Variants in LMTK2 observed in about 807,000 individuals in gnomAD.
LMTK2 encodes lemur tail kinase 2.
A neutral mutation model predicts 127.5 loss-of-function variants in LMTK2; 37 were observed. The observed-to-expected ratio is 0.29, with a 90% CI of 0.22 to 0.38. The LOEUF (loss-of-function observed/expected upper bound fraction) is 0.38. LMTK2 is among the 10% of genes least tolerant of loss of function. The probability of loss-of-function intolerance (pLI) is 1.00; values close to 1 mark genes in which losing one functional copy is unlikely to be tolerated. For synonymous variants in LMTK2, 819 were observed against 810.1 expected, an observed-to-expected ratio of 1.01 and a Z score of -0.19; for missense variants, 1,694 against 1,920.3, an observed-to-expected ratio of 0.88 and a Z score of 2.20.
rs539591918 is a variant in LMTK2, at chr7:98,180,602, T to A, written c.792-4449T>A. Among the ~76,000 whole-genome samples the A allele has an allele frequency of 5.0e-3, 765 of 152,288 alleles. 2 individuals are homozygous for A. Among genetic ancestry groups the A allele is most frequent in the Non-Finnish European group, 8.7e-3 (589 of 68,026 alleles). On this transcript the variant is annotated intron_variant, in intron 7 of 13. Transcript: ENST00000297293. ...TGTGTCTTGAAATATGCTCTTTACC[T>A]CCCTTGTGGAGAAGTAGAGAGTTTG...
intron 7 of LMTK2, among the ~76,000 whole-genome samples, chr7:98,177,177 A>T (rs1302697717): frequency 1.3e-5 from 2 of 152,240 alleles, no homozygotes; most frequent in East Asian, 3.8e-4. Context: ...TAGAATTCAT[A>T]AAAGAATTTG....
chr7:98,108,856 CTTT>C (rs11345679), intron 1 of LMTK2, among the ~76,000 whole-genome samples: 7 of 100,776 alleles, frequency 6.9e-5, no homozygotes, highest in African/African-American at 1.4e-4. Context: ...TGCCTGCACA[CTTT>C]TTTTTTTTTT....
intron 1 of LMTK2, among the ~76,000 whole-genome samples, chr7:98,122,984 C>T (rs961418742): frequency 6.6e-6 from 1 of 151,748 alleles, no homozygotes. Flanking sequence ...TTTCCTTCCC[C>T]CTTGATCTAT....
At chr7:98,154,302 A>G (rs1796896582) in intron 4 of LMTK2, among the ~76,000 whole-genome samples, 1 of 152,192 alleles carries the variant, frequency 6.6e-6, no homozygotes, top group Admixed American at 6.5e-5. Context: ...CAGGGCAATG[A>G]TTGATTGTAA....
At chr7:98,155,312 A>T (rs1401994973) in intron 5 of LMTK2, among the ~76,000 whole-genome samples, 1 of 152,254 alleles carries the variant, frequency 6.6e-6, no homozygotes, top group Admixed American at 6.5e-5. Flanking sequence ...ATATAACAAA[A>T]GATCCAGCAT....
Position 98,205,484 on chromosome 7 carries a change from A to C in LMTK2, c.4504A>C (p.Lys1502Gln). The C allele has an allele frequency of 6.2e-7, 1 of 1,613,418 alleles. No homozygotes were observed. The highest frequency in any genetic ancestry group is 8.5e-7 in the Non-Finnish European group (1 of 1,180,032). Residue 1502 changes from lysine to glutamine, a missense_variant, in exon 14 of 14, where the codon AAG (lysine) becomes CAG (glutamine). Lys to Gln is a moderately conservative substitution (Grantham distance 53, BLOSUM62 1). Around this residue, in one of 8 missense-constraint regions of LMTK2, gnomAD observed 554 missense variants for 567.7 expected, o/e 0.98. Coordinates refer to ENST00000297293, the MANE Select transcript of LMTK2 (RefSeq NM_014916.4). Reference sequence around the variant, plus strand: ...AACAGGAAGCAGCGAAGACGGAGAAAAGGACTAGGTGGCTGCCAACGCGCA... The same window carrying C: ...AACAGGAAGCAGCGAAGACGGAGAACAGGACTAGGTGGCTGCCAACGCGCA... Reference protein sequence around the residue: ...EQGGSSEDGEKD With the variant: ...EQGGSSEDGEQD
rs989055511 is a variant in LMTK2, at chr7:98,192,326, G to T, written c.1861G>T (p.Asp621Tyr). ...TDPKDSSLPG[D>Y]LHVTSGPESP... ...CCCCAAAGACTCTAGCTTACCAGGG[G>T]ACTTACACGTGACCAGTGGCCCCGA... Residue 621 changes from aspartate (D) to tyrosine (Y), a missense_variant, in exon 11 of 14, where the codon GAC (aspartate) becomes TAC (tyrosine). Coordinates refer to ENST00000297293, the MANE Select transcript of LMTK2 (RefSeq NM_014916.4). 1.9e-6 allele frequency: 3 copies of T among 1,564,000 alleles called. No homozygotes were observed. The highest frequency in any genetic ancestry group is 1.7e-6 in the Non-Finnish European group (2 of 1,160,440).
intron 4 of LMTK2, among the ~76,000 whole-genome samples, chr7:98,154,196 G>T (rs924542845): frequency 6.6e-6 from 1 of 152,138 alleles, no homozygotes; most frequent in East Asian, 1.9e-4. Context: ...TTCTCATTTC[G>T]TGTTCTGCTG....
intron 11 of LMTK2, among the ~76,000 whole-genome samples, chr7:98,197,062 A>G (rs1181438647): frequency 1.3e-5 from 2 of 152,200 alleles, no homozygotes; most frequent in African/African-American, 2.4e-5. Context: ...CTTGGCTCCA[A>G]ACTTTTAACT....
intron 6 of LMTK2, among the ~76,000 whole-genome samples, chr7:98,165,973 A>G (rs1218421602): frequency 2.0e-5 from 3 of 151,884 alleles, no homozygotes; most frequent in African/African-American, 7.3e-5. Context: ...GGTCGGGGGT[A>G]CGTTCCCAGT....
intron 9 of LMTK2, among the ~76,000 whole-genome samples, chr7:98,187,583 TATA>T (rs1797456222): frequency 1.3e-5 from 2 of 151,548 alleles, no homozygotes; most frequent in African/African-American, 4.8e-5. Flanking sequence ...TACAGTGATA[TATA>T]TATATGTTTT....
intron 3 of LMTK2, among the ~76,000 whole-genome samples, chr7:98,149,309 C>G (rs1796818810): frequency 6.6e-6 from 1 of 152,200 alleles, no homozygotes; most frequent in African/African-American, 2.4e-5. Context: ...TAAGTTAAAG[C>G]TACAAAGATA....
intron 7 of LMTK2, among the ~76,000 whole-genome samples, chr7:98,172,155 A>C (rs1425248631): frequency 1.3e-5 from 2 of 152,166 alleles, no homozygotes; most frequent in African/African-American, 2.4e-5. Flanking sequence ...TCAGGTGCCC[A>C]TTTGGAAGCA....
chr7:98,180,198 A>G (rs1201500772), intron 7 of LMTK2, among the ~76,000 whole-genome samples: 3 of 152,256 alleles, frequency 2.0e-5, no homozygotes, highest in Admixed American at 1.3e-4. Flanking sequence ...CGTTGCTGTC[A>G]TCATCTCCAT....
chr7:98,140,157 CTTTTCTTTTCT>C (rs1562902804), intron 2 of LMTK2, among the ~76,000 whole-genome samples: 9,020 of 57,476 alleles, frequency 0.16, 2,810 homozygotes, highest in Admixed American at 0.16. Context: ...CTTTTCTTTT[CTTTTCTTTTCT>C]TTTCTTTCTT....
In LMTK2 at chr7:98,194,117, C is replaced by A; in HGVS notation, c.3652C>A (p.Gln1218Lys). Residue 1218 changes from glutamine to lysine, a missense_variant, in exon 11 of 14, where the codon CAG (glutamine) becomes AAG (lysine). Coordinates refer to ENST00000297293, the MANE Select transcript of LMTK2 (RefSeq NM_014916.4). The surrounding 1 kb of genome is among the most constrained non-coding windows in gnomAD (Gnocchi z 5.4). ...ELSSGDDFET[Q>K]DDRPCTLAST... ...TAGCAGCGGCGATGACTTCGAGACA[C>A]AGGACGATCGCCCCTGCACCCTCGC... 1 of 1,614,128 alleles carries A rather than the reference C, an allele frequency of 6.2e-7. No homozygotes were observed. The highest frequency in any genetic ancestry group is 8.5e-7 in the Non-Finnish European group (1 of 1,180,036).
At chr7:98,150,005 G>A (rs1011052428) in intron 3 of LMTK2, among the ~76,000 whole-genome samples, 1 of 152,140 alleles carries the variant, frequency 6.6e-6, no homozygotes, top group Non-Finnish European at 1.5e-5. Context: ...TATACAGATG[G>A]CAGGTAGGCA....
Position 98,107,230 on chromosome 7 carries a change from T to G in LMTK2, c.53T>G (p.Leu18Arg), listed in dbSNP as rs77105291. The change falls in exon 1 of 14, where the codon CTC becomes CGC. Residue 18 changes from leucine (L) to arginine (R), a missense_variant. This residue lies in a region of LMTK2 where 76 missense variants were observed against 82.0 expected (regional missense o/e 0.93). Transcript: ENST00000297293. ...AGGCTGCTGCTGCTGCTGCTGGTCC[T>G]CCTGATCGCCGGCAGTGCTGGGGCC... ...RRRLLLLLLV[L>R]LIAGSAGAAP... 2.7e-6 allele frequency: 4 copies of G among 1,462,136 alleles called. No individual in the cohort carries two copies. The highest frequency in any genetic ancestry group is 2.6e-5 in the South Asian group (2 of 75,984). 90.6% of individuals were successfully genotyped at this position (1,462,136 alleles called of 1,614,324 possible). A position where few individuals can be genotyped will look rare whatever the true frequency, so the allele number is the denominator to read the frequency against.
In LMTK2 at chr7:98,190,919, T is replaced by G. The variant is rs766606986; in HGVS notation, c.1148+42T>G. 5.0e-6 allele frequency: 8 copies of G among 1,590,486 alleles called. No individual in the cohort carries two copies. The African/African-American group carries it at 9.5e-5, about 19-fold the overall frequency. ...TCCGCCTGTTCTGTTTCGTCTTCAC[T>G]GTGAGGTGTCCCCAAAACACAAAAA... On this transcript the variant is annotated intron_variant, in intron 10 of 13. Coordinates refer to ENST00000297293, the MANE Select transcript of LMTK2 (RefSeq NM_014916.4).
Sources: gnomAD v4.1 joint callset for allele counts (sites outside exome capture counted in the v4.1 genomes callset) on GRCh38, gnomAD v4.1.1 for gene constraint, gnomAD v4.1.1 regional missense constraint, Gnocchi (gnomAD v3.1) non-coding constraint, MANE v1.5 for transcripts, NCBI Gene and HGNC (gene_info 2026-07-23, HGNC 2026-07-21) for gene names.